FBXL22: variants seen among roughly 807,000 people sequenced by gnomAD.
FBXL22 encodes F-box and leucine-rich protein 22.
Under a neutral mutation model 11.7 loss-of-function variants are expected in FBXL22, and 13 were observed. The observed-to-expected ratio is 1.11, with a 90% CI of 0.73 to 1.77. The LOEUF is 1.77. Among genes scored for constraint, FBXL22 ranks in the 40% most tolerant of loss-of-function variants. The probability of loss-of-function intolerance (pLI) is 0.00; values close to 1 mark genes in which losing one functional copy is unlikely to be tolerated. For synonymous variants in FBXL22, 160 were observed against 144.1 expected, an observed-to-expected ratio of 1.11 and a Z score of -0.79; for missense variants, 406 against 320.4, an observed-to-expected ratio of 1.27 and a Z score of -2.04.
At chr15:63,604,501 C>A (rs1183053570), downstream of FBXL22, among the ~76,000 whole-genome samples, 1 of 152,132 alleles carries the variant, frequency 6.6e-6, no homozygotes, top group Non-Finnish European at 1.5e-5. Flanking sequence ...GCCAGAGGAG[C>A]TTTGGGTTCT....
Position 63,600,902 on chromosome 15 carries a change from G to A in FBXL22, c.559G>A (p.Ala187Thr), listed in dbSNP as rs2067359840. ...LHVDFCRNVSAAGLRRLRAAC... is the reference protein window; with the variant it reads ...LHVDFCRNVSTAGLRRLRAAC... ...CGTGGACTTCTGCCGCAACGTGAGCGCGGCCGGCCTGCGCCGCCTGCGCGC... is the reference window on the plus strand; with the variant it reads ...CGTGGACTTCTGCCGCAACGTGAGCACGGCCGGCCTGCGCCGCCTGCGCGC... Residue 187 changes from alanine to threonine, a missense_variant, in exon 2 of 2, where the codon GCG becomes ACG. Coordinates refer to ENST00000638704, the MANE Select transcript of FBXL22 (RefSeq NM_001367807.1). The A allele has an allele frequency of 3.3e-6, 4 of 1,222,456 alleles. No individual in the cohort carries two copies. In the African/African-American group the frequency reaches 6.3e-5, roughly 19 times the overall value. The allele number at this position is 1,222,456 out of a possible 1,614,324, so 75.7% of individuals were successfully genotyped here. A position where few individuals can be genotyped will look rare whatever the true frequency, so the allele number is the denominator to read the frequency against.
At chr15:63,600,262 GTC>G in intron 1 of FBXL22, 1 of 994,158 alleles carries the variant, frequency 1.0e-6, no homozygotes. Flanking sequence ...TCCCACTCAC[GTC>G]CCGCCGGGAC....
At chr15:63,599,439 A>G (rs2067328359) in intron 1 of FBXL22, 1 of 1,353,204 alleles carries the variant, frequency 7.4e-7, no homozygotes, top group African/African-American at 1.5e-5. Context: ...GACGCCCAGC[A>G]AGGTTCAGAC....
chr15:63,603,193 T>C (rs970834000), downstream of FBXL22, among the ~76,000 whole-genome samples: 2 of 152,142 alleles, frequency 1.3e-5, no homozygotes, highest in Non-Finnish European at 2.9e-5. Context: ...AACCTGACCA[T>C]TGTTAAAATA....
At chr15:63,601,413 C>G, downstream of FBXL22, 1 of 1,591,658 alleles carries the variant, frequency 6.3e-7, no homozygotes, top group Non-Finnish European at 8.6e-7. Context: ...CGGAGTTCGC[C>G]GACTTGCGCT....
In FBXL22 at chr15:63,601,013, G is replaced by A. The variant is rs914866131; in HGVS notation, c.670G>A (p.Ala224Thr). The change falls in exon 2 of 2, where the codon GCC (alanine) becomes ACC (threonine). Residue 224 changes from alanine to threonine, a missense_variant. Transcript: ENST00000638704. ...QPPRPRAPAA[A>T]LGKLLQR ...CCCGCGCCCGCGCGCGCCCGCCGCG[G>A]CCCTCGGCAAGCTGCTGCAGCGCTA... The A allele has an allele frequency of 1.7e-5, 21 of 1,203,646 alleles. No individual in the cohort carries two copies. Among genetic ancestry groups the A allele is most frequent in the Non-Finnish European group, 2.2e-5 (21 of 970,292 alleles). 74.6% of individuals were successfully genotyped at this position (1,203,646 alleles called of 1,614,324 possible).
chr15:63,599,441 G>A, intron 1 of FBXL22: 1 of 1,347,478 alleles, frequency 7.4e-7, no homozygotes, highest in Non-Finnish European at 9.5e-7. Context: ...CGCCCAGCAA[G>A]GTTCAGACAT....
chr15:63,604,840 A>C (rs2067405781), downstream of FBXL22, among the ~76,000 whole-genome samples: 1 of 152,156 alleles, frequency 6.6e-6, no homozygotes, highest in South Asian at 2.1e-4. Flanking sequence ...GGATCACCTG[A>C]GGTCAGGAGT....
chr15:63,599,999 T>G (rs1595795365), intron 1 of FBXL22: 5 of 985,906 alleles, frequency 5.1e-6, no homozygotes, highest in Non-Finnish European at 6.0e-6. Context: ...GAGGGGCTGG[T>G]GAGGCTGCAG....
At position 63,601,060 on chromosome 15, in the gene FBXL22, C is replaced by G; in HGVS notation, c.*21C>G. 8.1e-7 allele frequency: 1 copy of G among 1,231,358 alleles called. No homozygotes were observed. Among genetic ancestry groups the G allele is most frequent in the East Asian group, 3.2e-5 (1 of 31,532 alleles). 76.3% of individuals were successfully genotyped at this position (1,231,358 alleles called of 1,614,324 possible). A position where few individuals can be genotyped will look rare whatever the true frequency, so the allele number is the denominator to read the frequency against. On this transcript the variant is annotated 3_prime_UTR_variant, in exon 2 of 2. Coordinates refer to ENST00000638704, the MANE Select transcript of FBXL22 (RefSeq NM_001367807.1). ...GCTAGACGCCGCCCCGCCGCTGCCCCCGGGGAAGGAGCGCAGCCCCAGACC... is the reference window on the plus strand; with the variant it reads ...GCTAGACGCCGCCCCGCCGCTGCCCGCGGGGAAGGAGCGCAGCCCCAGACC...
chr15:63,598,678 C>A (rs1171857635), intron 1 of FBXL22, among the ~76,000 whole-genome samples: 1 of 152,238 alleles, frequency 6.6e-6, no homozygotes, highest in African/African-American at 2.4e-5. Flanking sequence ...TTACTGCCAC[C>A]CAAGTTCATA....
chr15:63,601,631 C>G, downstream of FBXL22: 1 of 1,603,516 alleles, frequency 6.2e-7, no homozygotes, highest in Non-Finnish European at 8.5e-7. Flanking sequence ...TGCGGTTTTG[C>G]CCGCACGCGC....
intron 1 of FBXL22, among the ~76,000 whole-genome samples, chr15:63,598,762 AG>A (rs752773829): frequency 6.6e-5 from 10 of 152,246 alleles, no homozygotes; most frequent in Non-Finnish European, 1.3e-4. Context: ...TTGAGCTGGT[AG>A]GAAGAAAACA....
chr15:63,602,537 A>G (rs1464653367), downstream of FBXL22: 2 of 150,032 alleles, frequency 1.3e-5, no homozygotes, highest in African/African-American at 4.9e-5. Context: ...CAGTGAGCCA[A>G]GATCGTGCCA....
At chr15:63,604,985 G>C (rs1177377520), downstream of FBXL22, among the ~76,000 whole-genome samples, 1 of 152,188 alleles carries the variant, frequency 6.6e-6, no homozygotes, top group Non-Finnish European at 1.5e-5. Context: ...CCGGGAGACA[G>C]TGGTTGCAGT....
intron 1 of FBXL22, chr15:63,599,737 C>T (rs1479467327): frequency 2.7e-5 from 27 of 986,414 alleles, no homozygotes; most frequent in Non-Finnish European, 3.1e-5. Flanking sequence ...CCAGCCCAGA[C>T]TCTAGCTCCC....
chr15:63,599,881 C>T, intron 1 of FBXL22: 1 of 985,748 alleles, frequency 1.0e-6, no homozygotes, highest in Non-Finnish European at 1.2e-6. Context: ...TCCTCACAAC[C>T]CCAGTGGTAG....
rs2067293247 is a variant in FBXL22 at position 63,597,642 on chromosome 15, C to T, written c.250C>T (p.Gln84Ter). Residue 84 changes from glutamine (Q) to a stop codon, truncating the protein, a stop_gained, in exon 1 of 2, where the codon CAG becomes TAG. Transcript: ENST00000638704. LOFTEE classifies it high-confidence loss of function. This position sits in a 1 kb window ranked among gnomAD's most constrained non-coding sequence, Gnocchi z 4.3. ...LSICWHSSRV[Q>*]VCSIEDWLKS... ...CATCTGCTGGCACTCCAGCCGCGTG[C>T]AGGTGTGCAGCATTGAGGACTGGCT... The T allele has an allele frequency of 6.2e-7, 1 of 1,613,130 alleles. No individual in the cohort carries two copies. The highest frequency in any genetic ancestry group is 1.3e-5 in the African/African-American group (1 of 74,924).
At chr15:63,599,784 C>T (rs376355828) in intron 1 of FBXL22, 7 of 986,138 alleles carry the variant, frequency 7.1e-6, no homozygotes, top group Middle Eastern at 5.2e-4. Flanking sequence ...GCCCATTAGT[C>T]GGTCCTTCTG....
Sources: gnomAD v4.1 joint callset for allele counts (sites outside exome capture counted in the v4.1 genomes callset) on GRCh38, gnomAD v4.1.1 for gene constraint, Gnocchi (gnomAD v3.1) non-coding constraint, MANE v1.5 for transcripts, NCBI Gene and HGNC (gene_info 2026-07-23, HGNC 2026-07-21) for gene names.